The following UBE2U variants were observed in gnomAD, a reference collection of about 807,000 sequenced individuals.
UBE2U encodes ubiquitin conjugating enzyme E2 U, also known as ubiquitin-conjugating enzyme E2 U.
In UBE2U, 39 loss-of-function variants were observed where a neutral mutation model predicts 41.2. The ratio of observed to expected loss-of-function variants is 0.95; its 90% CI spans 0.73 to 1.24. The LOEUF is 1.24. UBE2U is among the 50% of genes most tolerant of loss of function. UBE2U has a pLI of 0.00. For synonymous variants in UBE2U, 107 were observed against 117.8 expected (o/e 0.91, Z 0.60); for missense variants, 336 against 363.1 (o/e 0.93, Z 0.61).
intron 7 of UBE2U, among the ~76,000 whole-genome samples, chr1:64,234,089 A>G (rs1307749783): frequency 6.6e-6 from 1 of 152,218 alleles, no homozygotes; most frequent in Non-Finnish European, 1.5e-5. Context: ...ATTTGCTTAC[A>G]GTCCAGCGAT....
chr1:64,244,081 T>G (rs760781088), intron 8 of UBE2U: 2 of 1,347,744 alleles, frequency 1.5e-6, no homozygotes, highest in South Asian at 2.3e-5. Context: ...TAAAGTTCGC[T>G]ATTATTCATG....
At chr1:64,263,879 G>A in intron 9 of UBE2U, among the ~76,000 whole-genome samples, 1 of 152,200 alleles carries the variant, frequency 6.6e-6, no homozygotes, top group East Asian at 1.9e-4. Flanking sequence ...ATATCCCCAT[G>A]AACTCATTGT....
intron 8 of UBE2U, among the ~76,000 whole-genome samples, chr1:64,254,083 T>C (rs535316762): frequency 6.6e-4 from 100 of 151,780 alleles, no homozygotes; most frequent in Middle Eastern, 3.4e-3. Context: ...ACCAAGCAAA[T>C]GGAAAACAGA....
chr1:64,219,488 T>A (rs777239469), intron 5 of UBE2U, among the ~76,000 whole-genome samples: 2 of 152,124 alleles, frequency 1.3e-5, no homozygotes, highest in Non-Finnish European at 2.9e-5. Context: ...AACTTTCTTA[T>A]GTGATATCTT....
chr1:64,248,956 T>C (rs1644963848), intron 8 of UBE2U, among the ~76,000 whole-genome samples: 1 of 152,126 alleles, frequency 6.6e-6, no homozygotes, highest in Admixed American at 6.5e-5. Context: ...ATATTAGGTA[T>C]CAAACTGATT....
chr1:64,234,511 A>G (rs2100404756), intron 7 of UBE2U, among the ~76,000 whole-genome samples: 1 of 152,316 alleles, frequency 6.6e-6, no homozygotes, highest in Non-Finnish European at 1.5e-5. Context: ...TTAAGGTACA[A>G]ATGAGGGCAA....
At chr1:64,251,536 G>A (rs1484470168) in intron 8 of UBE2U, among the ~76,000 whole-genome samples, 2 of 152,172 alleles carry the variant, frequency 1.3e-5, no homozygotes, top group African/African-American at 2.4e-5. Context: ...CATTGGGACT[G>A]ACTAGGCAAT....
At chr1:64,221,620 A>G (rs1178468793) in intron 6 of UBE2U, among the ~76,000 whole-genome samples, 1 of 152,236 alleles carries the variant, frequency 6.6e-6, no homozygotes, top group Non-Finnish European at 1.5e-5. Context: ...TGAACAAGGT[A>G]TAGGCCTAGA....
At chr1:64,225,719 C>A (rs769095524) in intron 6 of UBE2U, among the ~76,000 whole-genome samples, 2 of 152,044 alleles carry the variant, frequency 1.3e-5, no homozygotes, top group African/African-American at 2.4e-5. Flanking sequence ...ATTACTGATT[C>A]GATGTGAGTT....
chr1:64,251,377 C>T (rs1033512034), intron 8 of UBE2U, among the ~76,000 whole-genome samples: 12 of 151,700 alleles, frequency 7.9e-5, no homozygotes, highest in South Asian at 2.1e-4. Flanking sequence ...TTGAAAATTT[C>T]GAATAATGTA....
At chr1:64,206,085 A>C (rs1651280432) in intron 2 of UBE2U, among the ~76,000 whole-genome samples, 1 of 152,188 alleles carries the variant, frequency 6.6e-6, no homozygotes, top group Non-Finnish European at 1.5e-5. Context: ...AAAACCCCAC[A>C]GTTACTTCTC....
At chr1:64,244,147 G>T (rs761786289) in intron 8 of UBE2U, 12 of 1,609,398 alleles carry the variant, frequency 7.5e-6, no homozygotes, top group Non-Finnish European at 8.5e-6. Flanking sequence ...ATCTTTCTTT[G>T]GAAGCAGCAT....
intron 5 of UBE2U, among the ~76,000 whole-genome samples, chr1:64,218,859 C>G (rs1652213028): frequency 6.6e-6 from 1 of 152,180 alleles, no homozygotes; most frequent in Non-Finnish European, 1.5e-5. Flanking sequence ...TTCTTCTAAA[C>G]TTTCTGACAA....
chr1:64,260,752 G>GT, intron 9 of UBE2U, 58 bp downstream of exon 9: 2 of 1,368,440 alleles, frequency 1.5e-6, no homozygotes, highest in African/African-American at 1.5e-5. Flanking sequence ...TGCATAATAT[G>GT]CATAACTTTA....
At chr1:64,259,899 CAGA>C (rs1557750945) in intron 8 of UBE2U, among the ~76,000 whole-genome samples, 1 of 151,852 alleles carries the variant, frequency 6.6e-6, no homozygotes, top group Non-Finnish European at 1.5e-5. Flanking sequence ...CCTGTCCCCC[CAGA>C]ACCTCAGCAT....
chr1:64,261,294 T>C (rs1645177161), intron 9 of UBE2U, among the ~76,000 whole-genome samples: 1 of 152,190 alleles, frequency 6.6e-6, no homozygotes, highest in Non-Finnish European at 1.5e-5. Flanking sequence ...TTAGTTTTTT[T>C]CATCCTTAGC....
At chr1:64,208,231 C>T (rs1186022861) in intron 3 of UBE2U, among the ~76,000 whole-genome samples, 1 of 152,092 alleles carries the variant, frequency 6.6e-6, no homozygotes, top group African/African-American at 2.4e-5. Flanking sequence ...ATGCATATAT[C>T]CCTAAATTCC....
rs1464465844 is a variant in UBE2U, at chr1:64,205,829, C to A, written c.148+109C>A. On this transcript the variant is annotated intron_variant, in intron 2 of 9. Transcript: ENST00000371077. ...CGCATTATATAAATTTCCTGAAATT[C>A]TTCTTCATATGCATAAGTTTGCATT... 5.2e-6 allele frequency: 4 copies of A among 763,768 alleles called. No homozygotes were observed. In the Admixed American group the frequency reaches 1.3e-4, roughly 25 times the overall value. The allele number at this position is 763,768 out of a possible 1,614,324, so 47.3% of individuals were successfully genotyped here.
At chr1:64,265,149 T>G (rs1383289515) in intron 9 of UBE2U, among the ~76,000 whole-genome samples, 6 of 152,124 alleles carry the variant, frequency 3.9e-5, no homozygotes, top group African/African-American at 1.4e-4. Flanking sequence ...TCTCTTGCTA[T>G]GCACCTGAAG....
Sources: gnomAD v4.1 joint callset for allele counts (sites outside exome capture counted in the v4.1 genomes callset) on GRCh38, gnomAD v4.1.1 for gene constraint, MANE v1.5 for transcripts, NCBI Gene and HGNC (gene_info 2026-07-23, HGNC 2026-07-21) for gene names.